Variants in SRPK1 observed in about 807,000 individuals in gnomAD.
The protein encoded by SRPK1 is SRSF protein kinase 1.
SRPK1 carries 52 observed loss-of-function variants against 89.5 expected under a neutral mutation model. The observed-to-expected ratio is 0.58, with a 90% CI of 0.46 to 0.73. The LOEUF (loss-of-function observed/expected upper bound fraction) is 0.73. SRPK1 is among the 30% of genes least tolerant of loss of function. The pLI, the probability that SRPK1 is intolerant of heterozygous loss-of-function variation, is 0.00. For missense variants in SRPK1, 603 were observed against 780.6 expected, an observed-to-expected ratio of 0.77 and a Z score of 2.71; for synonymous variants, 255 against 270.2, an observed-to-expected ratio of 0.94 and a Z score of 0.55.
At chr6:35,858,595 C>T (rs73729609) in intron 12 of SRPK1, among the ~76,000 whole-genome samples, 2,974 of 152,202 alleles carry the variant, frequency 0.02, 99 homozygotes, top group African/African-American at 0.067. Flanking sequence ...GTTTTCTAAC[C>T]TAGAATTCTC....
chr6:35,881,926 G>A (rs1770299033), intron 6 of SRPK1, among the ~76,000 whole-genome samples: 1 of 151,956 alleles, frequency 6.6e-6, no homozygotes, highest in South Asian at 2.1e-4. Context: ...CAGGTATAGA[G>A]CTTCAGTTTT....
chr6:35,907,432 G>C (rs1447672250), intron 2 of SRPK1, among the ~76,000 whole-genome samples: 5 of 152,024 alleles, frequency 3.3e-5, no homozygotes, highest in Non-Finnish European at 7.4e-5. Flanking sequence ...GAGGCTGGGC[G>C]CGATGGCTCA....
At chr6:35,838,455 G>C (rs569991951) in intron 14 of SRPK1, 26 bp from the exon 15 acceptor site, 9 of 1,544,368 alleles carry the variant, frequency 5.8e-6, no homozygotes, top group East Asian at 2.3e-5. Context: ...ATTTCAAGAG[G>C]GGGGAAAAAA....
chr6:35,852,684 G>C (rs1561970518), intron 13 of SRPK1, among the ~76,000 whole-genome samples: 1 of 152,196 alleles, frequency 6.6e-6, no homozygotes, highest in African/African-American at 2.4e-5. Flanking sequence ...GGTGATGATG[G>C]AGAAAGAGCT....
chr6:35,869,929 AT>A, intron 10 of SRPK1, 28 bp from the exon 11 acceptor site: 3 of 1,519,430 alleles, frequency 2.0e-6, no homozygotes, highest in Non-Finnish European at 2.6e-6. Context: ...AAAAAAAGAT[AT>A]ATGCATATGT....
chr6:35,838,550 C>A, intron 14 of SRPK1, 121 bp from the exon 15 acceptor site: 1 of 1,341,464 alleles, frequency 7.5e-7, no homozygotes, highest in Non-Finnish European at 1.0e-6. Context: ...GCCTATCAGG[C>A]TTACTTTCTA....
intron 6 of SRPK1, among the ~76,000 whole-genome samples, chr6:35,876,783 A>G (rs1429889755): frequency 6.6e-6 from 1 of 152,240 alleles, no homozygotes; most frequent in African/African-American, 2.4e-5. Context: ...TCTGGACATC[A>G]GACAACAAGT....
chr6:35,913,483 G>C (rs1049644378), intron 2 of SRPK1, among the ~76,000 whole-genome samples: 4 of 151,894 alleles, frequency 2.6e-5, no homozygotes, highest in African/African-American at 9.7e-5. Flanking sequence ...AACAGAACAA[G>C]ACCCCGTCTC....
chr6:35,906,497 T>C (rs930925620), intron 2 of SRPK1, among the ~76,000 whole-genome samples: 1 of 152,180 alleles, frequency 6.6e-6, no homozygotes, highest in Non-Finnish European at 1.5e-5. Flanking sequence ...AGTGCTGAGA[T>C]TACAGATGTG....
At chr6:35,852,850 T>G (rs1361825321) in intron 13 of SRPK1, among the ~76,000 whole-genome samples, 13 of 152,204 alleles carry the variant, frequency 8.5e-5, no homozygotes, top group Admixed American at 8.5e-4. Flanking sequence ...AGAATTAAGT[T>G]AGTCAGCCCT....
rs71540130 is a variant in SRPK1 at position 35,885,260 on chromosome 6, AACACACACACACACACAC to A, written c.478+1446_478+1463del. Among the ~76,000 whole-genome samples the A allele has an allele frequency of 5.4e-5, 6 of 111,864 alleles. No homozygotes were observed. The South Asian group carries it at 1.0e-3, about 19-fold the overall frequency. The allele number at this position is 111,864 out of a possible 152,430, so 73.4% of individuals were successfully genotyped here. A position where few individuals can be genotyped will look rare whatever the true frequency, so the allele number is the denominator to read the frequency against. On this transcript the variant is annotated intron_variant, in intron 6 of 15. Transcript: ENST00000373825. The stretch of plus-strand genomic sequence containing the variant: ...TTGGTTTAGAATTCTTAATTCTTTG[AACACACACACACACACAC>A]ACACACACACACACACACACAGAGA...
chr6:35,876,138 A>T (rs1770154210), intron 6 of SRPK1, among the ~76,000 whole-genome samples: 1 of 151,732 alleles, frequency 6.6e-6, no homozygotes, highest in South Asian at 2.1e-4. Context: ...AAACTACGTA[A>T]GATTAAAAGC....
chr6:35,900,886 G>A (rs1770726881), intron 2 of SRPK1, among the ~76,000 whole-genome samples: 1 of 152,076 alleles, frequency 6.6e-6, no homozygotes, highest in African/African-American at 2.4e-5. Flanking sequence ...TGGGCATGGT[G>A]GCACACACCT....
intron 2 of SRPK1, among the ~76,000 whole-genome samples, chr6:35,903,449 T>C (rs745986979): frequency 1.3e-5 from 2 of 151,714 alleles, no homozygotes; most frequent in African/African-American, 2.4e-5. Context: ...GAGACAGAGG[T>C]TGCAGTGAGC....
intron 13 of SRPK1, among the ~76,000 whole-genome samples, chr6:35,854,524 T>C (rs1769626774): frequency 6.8e-6 from 1 of 147,172 alleles, no homozygotes; most frequent in African/African-American, 2.5e-5. Flanking sequence ...TTTCATGATA[T>C]TGTCTCATGT....
chr6:35,839,628 C>CT (rs1313622506), intron 14 of SRPK1, among the ~76,000 whole-genome samples: 1 of 133,588 alleles, frequency 7.5e-6, no homozygotes, highest in Non-Finnish European at 1.6e-5. Flanking sequence ...GGTAGATCTA[C>CT]TGCCCCCCCC....
At chr6:35,841,160 G>A (rs997996216) in intron 14 of SRPK1, among the ~76,000 whole-genome samples, 2 of 152,118 alleles carry the variant, frequency 1.3e-5, no homozygotes, top group African/African-American at 4.8e-5. Flanking sequence ...CAGAAAAATA[G>A]CAAGCAGAGA....
chr6:35,853,282 A>G (rs1769595161), intron 13 of SRPK1, among the ~76,000 whole-genome samples: 1 of 152,138 alleles, frequency 6.6e-6, no homozygotes, highest in Non-Finnish European at 1.5e-5. Context: ...AAAAAACAAA[A>G]TGAAACAACA....
chr6:35,883,282 G>A (rs962320897), intron 6 of SRPK1, among the ~76,000 whole-genome samples: 12 of 152,132 alleles, frequency 7.9e-5, no homozygotes, highest in African/African-American at 1.2e-4. Context: ...TCAGCTACTC[G>A]GGAGGGTGAG....
Sources: allele counts gnomAD v4.1 joint callset (sites outside exome capture counted in the v4.1 genomes callset), GRCh38; gene constraint gnomAD v4.1.1; transcripts MANE v1.5; gene names NCBI Gene and HGNC (gene_info 2026-07-23, HGNC 2026-07-21).